Variants in ATIC observed in about 807,000 individuals in gnomAD.
ATIC encodes 5-aminoimidazole-4-carboxamide ribonucleotide formyltransferase/IMP cyclohydrolase, also known as bifunctional purine biosynthesis protein ATIC.
ATIC carries 64 observed loss-of-function variants against 72.5 expected under a neutral mutation model. The observed-to-expected ratio is 0.88, with a 90% CI of 0.72 to 1.09. The LOEUF is 1.09. Among genes scored for constraint, ATIC ranks in the 50% least tolerant of loss-of-function variants. The pLI is 0.00. For synonymous variants in ATIC, 281 were observed against 267.1 expected (o/e 1.05, Z -0.51); for missense variants, 787 against 732.4 (o/e 1.07, Z -0.86).
In ATIC at chr2:215,322,486, C is replaced by G. The variant is rs535887901; in HGVS notation, c.290+2755C>G. On this transcript the variant is annotated intron_variant, in intron 4 of 15. Transcript: ENST00000236959. ...CTGTGATTACAGGTGCCCGCCACCA[C>G]GCCCAGCTAATTTTTTTGTGTTTTT... 2.0e-5 allele frequency among the ~76,000 whole-genome samples: 3 copies of G among 151,762 alleles called. No individual in the cohort carries two copies. The South Asian group carries it at 6.3e-4, about 32-fold the overall frequency.
Position 215,332,477 on chromosome 2 carries a change from G to T in ATIC, c.784G>T (p.Ala262Ser). Residue 262 changes from alanine to serine, a missense_variant, in exon 8 of 16, where the codon GCT becomes TCT. Coordinates refer to ENST00000236959, the MANE Select transcript of ATIC (RefSeq NM_004044.7). ...CAAGGAGGCTTTAGGTATTCCAGCC[G>T]CTGCCTCTTTCAAACATGTCAGCCC... ...ELKEALGIPA[A>S]ASFKHVSPAG... 2 of 1,614,104 alleles carry T rather than the reference G, an allele frequency of 1.2e-6. No individual in the cohort carries two copies. The highest frequency in any genetic ancestry group is 1.7e-6 in the Non-Finnish European group (2 of 1,180,022).
At chr2:215,366,777 C>T in the ATIC span, among the ~76,000 whole-genome samples, 6 of 152,214 alleles carry the variant, frequency 3.9e-5, no homozygotes, top group African/African-American at 9.6e-5. Flanking sequence ...GACATCCCCG[C>T]TCCCACAATT....
chr2:215,353,136 A>C (rs2053143363), downstream of ATIC, among the ~76,000 whole-genome samples: 2 of 152,102 alleles, frequency 1.3e-5, no homozygotes, highest in South Asian at 4.1e-4. Context: ...TTTGGTTTTG[A>C]GTTTTCTTTA....
At chr2:215,342,281 GAT>G (rs2053027518) in intron 12 of ATIC, among the ~76,000 whole-genome samples, 2 of 152,286 alleles carry the variant, frequency 1.3e-5, no homozygotes, top group African/African-American at 4.8e-5. Flanking sequence ...AGCAGATAAA[GAT>G]AAAAGATATA....
the ATIC span, chr2:215,367,706 A>G: frequency 5.3e-6 from 4 of 757,956 alleles, no homozygotes; most frequent in South Asian, 1.6e-5. Flanking sequence ...TCATTTTTCT[A>G]TGATGCAAAA....
rs201874247 is a variant in ATIC, at chr2:215,349,088, G to A, written c.1504-6G>A. On this transcript the variant is annotated splice_polypyrimidine_tract_variant and splice_region_variant and intron_variant, in intron 14 of 15. Transcript: ENST00000236959. ...CAAGCTTCTTCCTTTCTCTCTCCCC[G>A]CATAGGATGAAGATTTGATAAAGTG... 7.0e-5 allele frequency: 113 copies of A among 1,613,834 alleles called. No individual in the cohort carries two copies. The East Asian group carries it at 1.9e-3, about 27-fold the overall frequency.
chr2:215,333,907 TG>T (rs932367829), intron 9 of ATIC, among the ~76,000 whole-genome samples: 1 of 151,294 alleles, frequency 6.6e-6, no homozygotes, highest in African/African-American at 2.4e-5. Context: ...CTGGGCGTGG[TG>T]GGGGGTACCT....
intron 7 of ATIC, among the ~76,000 whole-genome samples, chr2:215,331,381 GTT>G (rs66928848): frequency 7.8e-4 from 92 of 117,484 alleles, no homozygotes; most frequent in African/African-American, 2.3e-3. Context: ...TGTTTTTTGG[GTT>G]TTTTTTTTTT....
intron 2 of ATIC, among the ~76,000 whole-genome samples, chr2:215,316,836 C>T (rs2052714959): frequency 6.6e-6 from 1 of 152,158 alleles, no homozygotes; most frequent in African/African-American, 2.4e-5. Flanking sequence ...AATCTTGGCT[C>T]ACTGCAACCT....
At chr2:215,366,114 G>C in the ATIC span, among the ~76,000 whole-genome samples, 1 of 151,652 alleles carries the variant, frequency 6.6e-6, no homozygotes, top group Non-Finnish European at 1.5e-5. Flanking sequence ...CACCACACCT[G>C]GCCAATGGGC....
At chr2:215,319,477 G>C (rs1473444108) in intron 3 of ATIC, among the ~76,000 whole-genome samples, 188 bp from the exon 4 acceptor site, 1 of 152,074 alleles carries the variant, frequency 6.6e-6, no homozygotes, top group Non-Finnish European at 1.5e-5. Context: ...CTGGAGGTCA[G>C]GGCTATAGTG....
intron 13 of ATIC, among the ~76,000 whole-genome samples, chr2:215,346,248 G>C (rs1197682864): frequency 6.6e-6 from 1 of 152,022 alleles, no homozygotes; most frequent in South Asian, 2.1e-4. Context: ...TGTAGCCTTC[G>C]ACTCCTGGCC....
chr2:215,340,105 AT>A (rs2106031590), intron 12 of ATIC, among the ~76,000 whole-genome samples: 1 of 152,002 alleles, frequency 6.6e-6, no homozygotes, highest in South Asian at 2.1e-4. Context: ...GATTGCTTAC[AT>A]TTTCAGTGCT....
At chr2:215,346,525 A>G (rs891652982) in intron 13 of ATIC, among the ~76,000 whole-genome samples, 1 of 151,132 alleles carries the variant, frequency 6.6e-6, no homozygotes, top group African/African-American at 2.4e-5. Context: ...TGAATTGTAG[A>G]TTATTAATAG....
intron 5 of ATIC, 114 bp downstream of exon 5, chr2:215,325,443 G>C (rs896222998): frequency 5.0e-6 from 4 of 801,510 alleles, no homozygotes; most frequent in Non-Finnish European, 8.3e-6. Context: ...GCTACTTCTG[G>C]ATTGTGTTTT....
At chr2:215,325,747 A>AT in intron 5 of ATIC, among the ~76,000 whole-genome samples, 1 of 151,670 alleles carries the variant, frequency 6.6e-6, no homozygotes, top group African/African-American at 2.4e-5. Context: ...TGTATTTTTT[A>AT]TAGAGATGGA....
At chr2:215,356,944 A>T in the ATIC span, among the ~76,000 whole-genome samples, 1 of 152,144 alleles carries the variant, frequency 6.6e-6, no homozygotes, top group East Asian at 1.9e-4. Context: ...TCTCGAGTAT[A>T]TATCTAGGAA....
At chr2:215,319,535 C>T in intron 3 of ATIC, 130 bp from the exon 4 acceptor site, 1 of 705,172 alleles carries the variant, frequency 1.4e-6, no homozygotes, top group Non-Finnish European at 2.5e-6. Flanking sequence ...AGAGTGAGAC[C>T]ATCTCAAAAA....
At chr2:215,357,272 T>C in the ATIC span, among the ~76,000 whole-genome samples, 1,277 of 152,280 alleles carry the variant, frequency 8.4e-3, 17 homozygotes, top group African/African-American at 0.029. Flanking sequence ...AATGGGAGAC[T>C]CCTTGGCCTT....
Sources: gnomAD v4.1 joint callset for allele counts (sites outside exome capture counted in the v4.1 genomes callset) on GRCh38, gnomAD v4.1.1 for gene constraint, MANE v1.5 for transcripts, NCBI Gene and HGNC (gene_info 2026-07-23, HGNC 2026-07-21) for gene names.